The following ATP11A variants were observed in gnomAD, a reference collection of about 807,000 sequenced individuals.
ATP11A encodes phospholipid-transporting ATPase IH.
ATP11A carries 81 observed loss-of-function variants against 154.4 expected under a neutral mutation model. That is an observed-to-expected ratio of 0.52 (90% confidence interval 0.44 to 0.63). ATP11A has a LOEUF of 0.63. Ranked by LOEUF, ATP11A falls within the 30% of genes least tolerant of loss-of-function variation. The probability of loss-of-function intolerance (pLI) is 0.00; values close to 1 mark genes in which losing one functional copy is unlikely to be tolerated. For synonymous variants in ATP11A, 623 were observed against 585.9 expected (o/e 1.06, Z -0.91); for missense variants, 1,316 against 1,474.3 (o/e 0.89, Z 1.76).
At chr13:112,698,694 T>TAA (rs1321587162) in intron 1 of ATP11A, among the ~76,000 whole-genome samples, 2 of 152,044 alleles carry the variant, frequency 1.3e-5, no homozygotes, top group Admixed American at 6.6e-5. Context: ...GTTGCCTCTT[T>TAA]AAACCAATCT....
chr13:112,697,343 C>T lies in ATP11A; in HGVS notation c.39+6888C>T, dbSNP rs1885987963. 6.6e-6 allele frequency among the ~76,000 whole-genome samples: 1 copy of T among 152,130 alleles called. No homozygotes were observed. Among genetic ancestry groups the T allele is most frequent in the Non-Finnish European group, 1.5e-5 (1 of 68,006 alleles). On this transcript the variant is annotated intron_variant, in intron 1 of 29. Coordinates refer to ENST00000375645, the MANE Select transcript of ATP11A (RefSeq NM_015205.3). The surrounding 1 kb of genome is among the most constrained non-coding windows in gnomAD (Gnocchi z 4.0). ...TTCATTTCCGTGTTCCAGTGTCACC[C>T]GTGTGCCTAGAACGTTCCTGGCACA...
chr13:112,784,987 C>T, intron 1 of ATP11A, 148 bp from the exon 2 acceptor site: 4 of 1,064,832 alleles, frequency 3.8e-6, no homozygotes, highest in East Asian at 3.1e-5. Context: ...GGGTGCTGGG[C>T]CCCAGGTCTC....
chr13:112,839,901 C>A (rs1385466136), intron 16 of ATP11A, among the ~76,000 whole-genome samples: 1 of 152,204 alleles, frequency 6.6e-6, no homozygotes, highest in Admixed American at 6.5e-5. Context: ...GACCACAGTT[C>A]TCATTCTGAA....
rs562511115 is a variant in ATP11A, at chr13:112,690,700, C to T, written c.39+245C>T. On this transcript the variant is annotated intron_variant, in intron 1 of 29. Transcript: ENST00000375645. The surrounding 1 kb of genome is among the most constrained non-coding windows in gnomAD (Gnocchi z 5.6). Reference sequence around the variant, plus strand: ...CCAGCCCCGGGCGGCCACCTGCTCCCTGGCCGCGGCCGCCTGGCGCCCCCT... The same window carrying T: ...CCAGCCCCGGGCGGCCACCTGCTCCTTGGCCGCGGCCGCCTGGCGCCCCCT... Among the ~76,000 whole-genome samples the T allele has an allele frequency of 1.0e-3, 154 of 151,896 alleles. No homozygotes were observed. The East Asian group carries it at 0.012, about 12-fold the overall frequency.
rs565135857 is a variant in ATP11A at position 112,882,921 on chromosome 13, C to T, written c.*1055C>T. On this transcript the variant is annotated 3_prime_UTR_variant, in exon 30 of 30. Transcript: ENST00000375645. This position sits in a 1 kb window ranked among gnomAD's most constrained non-coding sequence, Gnocchi z 5.1. The stretch of plus-strand genomic sequence containing the variant: ...GCTGACGGGGGTGGCACACAGGACA[C>T]GGGTGGATCCCAACAGGCAGCACCG... The T allele has an allele frequency of 2.5e-5, 10 of 399,052 alleles. No individual in the cohort carries two copies. The highest frequency in any genetic ancestry group is 4.4e-5 in the Admixed American group (1 of 22,734). 24.7% of individuals were successfully genotyped at this position (399,052 alleles called of 1,614,324 possible). A position where few individuals can be genotyped will look rare whatever the true frequency, so the allele number is the denominator to read the frequency against.
At position 112,838,401 on chromosome 13, in the gene ATP11A, G is replaced by A. The variant is rs931041297; in HGVS notation, c.1705+2150G>A. ...GACTCACGTGGTTTTCCCCGTAGCA[G>A]TCGAATCTAGCTGTTGAGCCGTGGC... On this transcript the variant is annotated intron_variant, in intron 16 of 29. Coordinates refer to ENST00000375645, the MANE Select transcript of ATP11A (RefSeq NM_015205.3). This position sits in a 1 kb window ranked among gnomAD's most constrained non-coding sequence, Gnocchi z 7.3. 2.0e-5 allele frequency among the ~76,000 whole-genome samples: 3 copies of A among 152,056 alleles called. No individual in the cohort carries two copies. Among genetic ancestry groups the A allele is most frequent in the African/African-American group, 7.2e-5 (3 of 41,384 alleles).
chr13:112,818,145 C>T (rs554791720), intron 6 of ATP11A, among the ~76,000 whole-genome samples: 3 of 150,658 alleles, frequency 2.0e-5, no homozygotes, highest in East Asian at 2.0e-4. Context: ...GGTGACACGG[C>T]GGTGACCGTG....
chr13:112,868,571 CAG>C (rs1280079843), intron 25 of ATP11A, among the ~76,000 whole-genome samples: 1 of 152,150 alleles, frequency 6.6e-6, no homozygotes, highest in Non-Finnish European at 1.5e-5. Context: ...AAATCAGAAA[CAG>C]GAGCTTCACT....
intron 17 of ATP11A, among the ~76,000 whole-genome samples, chr13:112,847,912 C>G (rs1373313450): frequency 6.6e-6 from 1 of 152,140 alleles, no homozygotes; most frequent in Non-Finnish European, 1.5e-5. Flanking sequence ...ATAGCAAGAC[C>G]CTGCCTCTAC....
chr13:112,791,190 AG>A (rs2077844741), intron 2 of ATP11A, among the ~76,000 whole-genome samples: 1 of 152,246 alleles, frequency 6.6e-6, no homozygotes, highest in African/African-American at 2.4e-5. Flanking sequence ...CCAGAGGTAC[AG>A]AGAGGCAGGA....
At chr13:112,826,973 C>A in intron 12 of ATP11A, 82 bp downstream of exon 12, 2 of 1,441,264 alleles carry the variant, frequency 1.4e-6, no homozygotes, top group South Asian at 1.2e-5. Flanking sequence ...CTGTGCCTGT[C>A]ATCCGAGCGT....
intron 1 of ATP11A, among the ~76,000 whole-genome samples, chr13:112,777,197 C>T (rs34836811): frequency 0.095 from 14,510 of 152,154 alleles, 1,041 homozygotes; most frequent in African/African-American, 0.19. Context: ...AGCCACACTG[C>T]CAGGCATGTG....
chr13:112,743,632 C>T (rs1456831546), intron 1 of ATP11A, among the ~76,000 whole-genome samples: 7 of 146,674 alleles, frequency 4.8e-5, no homozygotes, highest in South Asian at 2.2e-4. Flanking sequence ...ATAACCTGTG[C>T]GATGTTGCAG....
intron 1 of ATP11A, among the ~76,000 whole-genome samples, chr13:112,701,945 G>T (rs1246864296): frequency 6.6e-6 from 1 of 152,176 alleles, no homozygotes; most frequent in African/African-American, 2.4e-5. Flanking sequence ...GATGGGGCCT[G>T]CGGTTATCCA....
chr13:112,811,354 A>G (rs2078495091), intron 5 of ATP11A, among the ~76,000 whole-genome samples: 1 of 151,736 alleles, frequency 6.6e-6, no homozygotes, highest in Admixed American at 6.6e-5. Flanking sequence ...CCATCCCCAC[A>G]CACAGCCTCC....
At chr13:112,720,099 A>G (rs1888982275) in intron 1 of ATP11A, among the ~76,000 whole-genome samples, 1 of 152,250 alleles carries the variant, frequency 6.6e-6, no homozygotes, top group African/African-American at 2.4e-5. Context: ...AAACTATTTT[A>G]AAGAGGTTTA....
rs1346593602 is a variant in ATP11A, at chr13:112,795,168, C to A, written c.163-9789C>A. On this transcript the variant is annotated intron_variant, in intron 2 of 29. Transcript: ENST00000375645. ...GCTGAGGCACGAGAATCGCTTGAAC[C>A]TGGGAGGCAGAGGTTGCAGTGAGCC... Among the ~76,000 whole-genome samples the A allele has an allele frequency of 2.0e-5, 3 of 152,092 alleles. No individual in the cohort carries two copies. In the East Asian group the frequency reaches 5.8e-4, roughly 29 times the overall value.
At chr13:112,803,787 CCCTGCCTTA>C (rs2078209472) in intron 2 of ATP11A, among the ~76,000 whole-genome samples, 1 of 113,060 alleles carries the variant, frequency 8.8e-6, no homozygotes, top group Non-Finnish European at 1.8e-5. Flanking sequence ...TCCCTCCCCT[CCCTGCCTTA>C]CTTCCCCTCC....
In ATP11A at chr13:112,859,269, G is replaced by T; in HGVS notation, c.2668-124G>T. 1 of 786,472 alleles carries T rather than the reference G, an allele frequency of 1.3e-6. No individual in the cohort carries two copies. Among genetic ancestry groups the T allele is most frequent in the South Asian group, 1.4e-5 (1 of 70,380 alleles). 48.7% of individuals were successfully genotyped at this position (786,472 alleles called of 1,614,324 possible). The stretch of plus-strand genomic sequence containing the variant: ...AGAAAGCTTTCTAGAACCCATTAGT[G>T]CTGTTCTGCCGCACGCTGGGTGCAC... On this transcript the variant is annotated intron_variant, in intron 22 of 29. Coordinates refer to ENST00000375645, the MANE Select transcript of ATP11A (RefSeq NM_015205.3). The surrounding 1 kb of genome is among the most constrained non-coding windows in gnomAD (Gnocchi z 4.3).
Sources: allele counts gnomAD v4.1 joint callset (sites outside exome capture counted in the v4.1 genomes callset), GRCh38; gene constraint gnomAD v4.1.1; non-coding constraint Gnocchi (gnomAD v3.1); transcripts MANE v1.5; gene names NCBI Gene and HGNC (gene_info 2026-07-23, HGNC 2026-07-21).